PCBP3: variants seen among roughly 807,000 people sequenced by gnomAD.
PCBP3 encodes poly(rC) binding protein 3.
In PCBP3, 25 loss-of-function variants were observed where a neutral mutation model predicts 52.7. The observed-to-expected ratio is 0.47, with a 90% confidence interval of 0.35 to 0.66. The LOEUF is 0.66. PCBP3 is among the 30% of genes least tolerant of loss of function. The probability of loss-of-function intolerance (pLI) is 0.01; values close to 1 mark genes in which losing one functional copy is unlikely to be tolerated. For synonymous variants in PCBP3, 162 were observed against 183.0 expected (o/e 0.89, Z 0.93); for missense variants, 391 against 490.3 (o/e 0.80, Z 1.91).
chr21:45,685,671 G>A (rs1271000650), intron 2 of PCBP3, among the ~76,000 whole-genome samples: 1 of 152,180 alleles, frequency 6.6e-6, no homozygotes, highest in Non-Finnish European at 1.5e-5. Context: ...AATATAAGCA[G>A]AGCCTTACAG....
intron 9 of PCBP3, among the ~76,000 whole-genome samples, 171 bp from the exon 10 acceptor site, chr21:45,909,184 A>G (rs2096277420): frequency 6.6e-6 from 1 of 151,746 alleles, no homozygotes; most frequent in African/African-American, 2.4e-5. Context: ...CATCCATTTC[A>G]GCGACGTCTC....
At chr21:45,713,054 A>G (rs548819175) in intron 2 of PCBP3, among the ~76,000 whole-genome samples, 80 of 152,232 alleles carry the variant, frequency 5.3e-4, no homozygotes, top group African/African-American at 1.7e-3. Flanking sequence ...AGTCATTTAC[A>G]CTGAACTATT....
intron 4 of PCBP3, among the ~76,000 whole-genome samples, chr21:45,767,233 C>A (rs1206177441): frequency 1.3e-5 from 2 of 152,174 alleles, no homozygotes; most frequent in African/African-American, 4.8e-5. Flanking sequence ...TTTCCCCAGC[C>A]CCTGGCAGCC....
intron 3 of PCBP3, among the ~76,000 whole-genome samples, chr21:45,746,706 G>A (rs2086898245): frequency 1.5e-5 from 1 of 67,012 alleles, no homozygotes; most frequent in Non-Finnish European, 3.1e-5. Flanking sequence ...GTCCACTGAC[G>A]TAGCGCACAC....
chr21:45,729,652 T>TA (rs2085310135), intron 2 of PCBP3, among the ~76,000 whole-genome samples: 1 of 152,222 alleles, frequency 6.6e-6, no homozygotes, highest in African/African-American at 2.4e-5. Flanking sequence ...TGTGTCTGTA[T>TA]AATGTTCTAT....
chr21:45,738,823 C>G (rs866656181), intron 3 of PCBP3, among the ~76,000 whole-genome samples: 125 of 147,524 alleles, frequency 8.5e-4, no homozygotes, highest in African/African-American at 3.0e-3. Flanking sequence ...GGTGGCTCCC[C>G]CATCTTCATC....
At position 45,928,260 on chromosome 21, in the gene PCBP3, A is replaced by G. The variant is rs1289513965; in HGVS notation, c.718-1657A>G. Among the ~76,000 whole-genome samples, 6 of 152,080 alleles carry G rather than the reference A, an allele frequency of 3.9e-5. No individual in the cohort carries two copies. The highest frequency in any genetic ancestry group is 6.5e-5 in the Admixed American group (1 of 15,280). The stretch of plus-strand genomic sequence containing the variant: ...TGGCACCCTCGTCAGGGGCTTCCAC[A>G]CACATCCCCTCAGATAACCCGGCAC... On this transcript the variant is annotated intron_variant, in intron 13 of 17. Transcript: ENST00000681687. The surrounding 1 kb of genome is among the most constrained non-coding windows in gnomAD (Gnocchi z 4.1).
chr21:45,862,115 C>T (rs545118231), intron 5 of PCBP3, among the ~76,000 whole-genome samples: 16 of 136,058 alleles, frequency 1.2e-4, no homozygotes, highest in African/African-American at 4.2e-4. Context: ...TTTCTGAGAG[C>T]GGAGTCTCAT....
At chr21:45,673,340 C>CT (rs987344471) in intron 2 of PCBP3, among the ~76,000 whole-genome samples, 3 of 152,056 alleles carry the variant, frequency 2.0e-5, no homozygotes, top group Admixed American at 2.0e-4. Context: ...GGCAGTTCAT[C>CT]TTTTTTGTTT....
At chr21:45,839,086 A>G (rs1486690768) in intron 4 of PCBP3, among the ~76,000 whole-genome samples, 1 of 151,778 alleles carries the variant, frequency 6.6e-6, no homozygotes, top group Non-Finnish European at 1.5e-5. Context: ...CTTTTCCTCC[A>G]TGTTCATATT....
In PCBP3 at chr21:45,910,778, G is replaced by A. The variant is rs200685262; in HGVS notation, c.472-124G>A. On this transcript the variant is annotated intron_variant, in intron 10 of 17. Coordinates refer to ENST00000681687, the MANE Select transcript of PCBP3 (RefSeq NM_001384156.1). ...GGGATGGCGGTGGGGGAGGGGGCGC[G>A]TGGGCTGTATGCAGGTTTCCAAGGA... 1.0e-4 allele frequency: 94 copies of A among 901,686 alleles called. No homozygotes were observed. The Middle Eastern group carries it at 2.4e-3, about 23-fold the overall frequency. 55.9% of individuals were successfully genotyped at this position (901,686 alleles called of 1,614,324 possible).
chr21:45,647,125 G>A (rs569942331), intron 1 of PCBP3, among the ~76,000 whole-genome samples: 1 of 152,296 alleles, frequency 6.6e-6, no homozygotes, highest in Admixed American at 6.5e-5. Context: ...GTAGTAAGTT[G>A]TATATCAAGC....
rs1341841029 is a variant in PCBP3, at chr21:45,853,329, A to G, written c.10+3234A>G. Among the ~76,000 whole-genome samples the G allele has an allele frequency of 6.6e-6, 1 of 152,210 alleles. No individual in the cohort carries two copies. The highest frequency in any genetic ancestry group is 1.5e-5 in the Non-Finnish European group (1 of 68,032). ...CAGATGCCGTGGGTTGGGTGTGCCA[A>G]TGGCCCTTAAAGGCAGGGCTGGCGT... On this transcript the variant is annotated intron_variant, in intron 5 of 17. Transcript: ENST00000681687. This position sits in a 1 kb window ranked among gnomAD's most constrained non-coding sequence, Gnocchi z 4.6.
At chr21:45,728,597 G>T (rs2148429170) in intron 2 of PCBP3, 1 of 152,224 alleles carries the variant, frequency 6.6e-6, no homozygotes, top group African/African-American at 2.4e-5. Context: ...GAATTGGGAA[G>T]TATTCTCTCA....
chr21:45,930,050 T>C (rs769643315), intron 14 of PCBP3, 55 bp downstream of exon 14: 4 of 1,304,882 alleles, frequency 3.1e-6, no homozygotes, highest in Middle Eastern at 1.8e-4. Context: ...GGACTTTCTC[T>C]TTCTGAGCTG....
intron 2 of PCBP3, among the ~76,000 whole-genome samples, chr21:45,706,855 A>C (rs113868796): frequency 6.6e-6 from 1 of 152,210 alleles, no homozygotes; most frequent in African/African-American, 2.4e-5. Flanking sequence ...GACATCTAGG[A>C]ATTAGGTATT....
At chr21:45,785,561 C>T (rs1457576802) in intron 4 of PCBP3, among the ~76,000 whole-genome samples, 5 of 150,872 alleles carry the variant, frequency 3.3e-5, no homozygotes, top group Non-Finnish European at 5.9e-5. Context: ...AGGTGAGGGG[C>T]GCCTCTGCCC....
At chr21:45,809,037 TG>T (rs2092600339) in intron 4 of PCBP3, among the ~76,000 whole-genome samples, 1 of 151,212 alleles carries the variant, frequency 6.6e-6, no homozygotes, top group African/African-American at 2.4e-5. Flanking sequence ...CAGGGCCTGT[TG>T]GGGGGTGGGG....
At chr21:45,899,948 G>T (rs2149086079) in intron 7 of PCBP3, among the ~76,000 whole-genome samples, 1 of 152,286 alleles carries the variant, frequency 6.6e-6, no homozygotes, top group East Asian at 1.9e-4. Flanking sequence ...TCTTCAGCCG[G>T]CTGTGTAGTC....
Sources: allele counts gnomAD v4.1 joint callset (sites outside exome capture counted in the v4.1 genomes callset), GRCh38; gene constraint gnomAD v4.1.1; non-coding constraint Gnocchi (gnomAD v3.1); transcripts MANE v1.5; gene names NCBI Gene and HGNC (gene_info 2026-07-23, HGNC 2026-07-21).